The following CACNA2D2 variants were observed in gnomAD, a reference collection of about 807,000 sequenced individuals.
CACNA2D2 encodes the protein voltage-dependent calcium channel subunit alpha-2/delta-2.
CACNA2D2 carries 48 observed loss-of-function variants against 166.4 expected under a neutral mutation model. The observed-to-expected ratio is 0.29, with a 90% CI of 0.23 to 0.37. CACNA2D2 has a LOEUF of 0.37. Ranked by LOEUF, CACNA2D2 falls within the 10% of genes least tolerant of loss-of-function variation. The probability of loss-of-function intolerance (pLI) is 1.00; values close to 1 mark genes in which losing one functional copy is unlikely to be tolerated. For missense variants in CACNA2D2, 1,122 were observed against 1,433.0 expected (o/e 0.78, Z 3.50); for synonymous variants, 561 against 573.7 (o/e 0.98, Z 0.32).
chr3:50,482,465 C>T (rs1287383781), intron 1 of CACNA2D2, among the ~76,000 whole-genome samples: 3 of 152,362 alleles, frequency 2.0e-5, no homozygotes, highest in African/African-American at 7.2e-5. Flanking sequence ...TCCATTTCCA[C>T]ATTTGGAAAA....
Position 50,378,325 on chromosome 3 carries a change from A to G in CACNA2D2, c.1348T>C (p.Phe450Leu). 6.4e-7 allele frequency: 1 copy of G among 1,551,792 alleles called. No homozygotes were observed. The highest frequency in any genetic ancestry group is 2.0e-5 in the Admixed American group (1 of 51,068). Residue 450 changes from phenylalanine (F) to leucine (L), a missense_variant, in exon 14 of 38, where the codon TTT (phenylalanine) becomes CTT (leucine). Transcript: ENST00000424201. ...ATGGCTCCGATGGAAGGGATCTCAA[A>G]ATAGTAGCCTGTGAAGGAAGGAGAG... is the stretch of plus-strand genomic sequence containing the variant. ...WMACANKGYY[F>L]EIPSIGAIRI...
At chr3:50,477,572 C>T (rs528979567) in intron 1 of CACNA2D2, among the ~76,000 whole-genome samples, 2 of 152,334 alleles carry the variant, frequency 1.3e-5, no homozygotes, top group African/African-American at 4.8e-5. Context: ...CACAAAGGTG[C>T]TCTTTGCCCT....
chr3:50,423,705 G>T (rs917897687), intron 3 of CACNA2D2, among the ~76,000 whole-genome samples: 2 of 152,380 alleles, frequency 1.3e-5, no homozygotes, highest in South Asian at 4.1e-4. Context: ...ATTTGTCAAG[G>T]CACAGAGTGG....
At chr3:50,478,227 C>T (rs1284299812) in intron 1 of CACNA2D2, among the ~76,000 whole-genome samples, 4 of 152,234 alleles carry the variant, frequency 2.6e-5, no homozygotes, top group African/African-American at 9.6e-5. Flanking sequence ...CAGCTGCCAG[C>T]CTGGGGAGGG....
At chr3:50,502,694 CAAG>C (rs2107202498) in intron 1 of CACNA2D2, among the ~76,000 whole-genome samples, 1 of 152,356 alleles carries the variant, frequency 6.6e-6, no homozygotes, top group African/African-American at 2.4e-5. Flanking sequence ...CTGGCCACAG[CAAG>C]AAGGTGCTCG....
chr3:50,364,487 C>T lies in CACNA2D2; in HGVS notation c.*179G>A, dbSNP rs1422056843. 7.9e-5 allele frequency: 56 copies of T among 704,878 alleles called. No individual in the cohort carries two copies. The highest frequency in any genetic ancestry group is 8.7e-5 in the Non-Finnish European group (38 of 438,596). The allele number at this position is 704,878 out of a possible 1,614,324, so 43.7% of individuals were successfully genotyped here. ...ATGTGATTTGGGTGCCAAACACCTG[C>T]GGCGTCCCGCTTTGGGACTCCCCAT... is the stretch of plus-strand genomic sequence containing the variant. On this transcript the variant is annotated 3_prime_UTR_variant, in exon 38 of 38. Coordinates refer to ENST00000424201, the MANE Select transcript of CACNA2D2 (RefSeq NM_006030.4).
At chr3:50,502,559 G>A (rs899117316) in intron 1 of CACNA2D2, among the ~76,000 whole-genome samples, 1 of 152,218 alleles carries the variant, frequency 6.6e-6, no homozygotes, top group Non-Finnish European at 1.5e-5. Flanking sequence ...GGCGCAGGCA[G>A]GGGTCCTTCC....
intron 2 of CACNA2D2, among the ~76,000 whole-genome samples, chr3:50,440,843 G>A (rs530891636): frequency 4.4e-4 from 67 of 152,236 alleles, no homozygotes; most frequent in African/African-American, 1.6e-3. Flanking sequence ...GGAGACACTT[G>A]GGAGTGGGGC....
chr3:50,445,262 G>T (rs1204101724), intron 2 of CACNA2D2, among the ~76,000 whole-genome samples: 2 of 152,190 alleles, frequency 1.3e-5, no homozygotes, highest in South Asian at 2.1e-4. Flanking sequence ...GATGGGGCAA[G>T]GGCATGGCCT....
intron 3 of CACNA2D2, among the ~76,000 whole-genome samples, chr3:50,420,673 C>T (rs1342592066): frequency 6.6e-6 from 1 of 152,176 alleles, no homozygotes; most frequent in Non-Finnish European, 1.5e-5. Context: ...GGGAAGTTGT[C>T]TGACAGGTAG....
intron 3 of CACNA2D2, among the ~76,000 whole-genome samples, chr3:50,395,037 T>C (rs566031821): frequency 6.6e-6 from 1 of 152,260 alleles, no homozygotes; most frequent in East Asian, 1.9e-4. Flanking sequence ...TATTTGGTAC[T>C]TTCTAAGGAT....
intron 4 of CACNA2D2, among the ~76,000 whole-genome samples, chr3:50,390,293 C>T (rs1015954976): frequency 6.6e-6 from 1 of 152,114 alleles, no homozygotes; most frequent in South Asian, 2.1e-4. Flanking sequence ...GGGTCACCCG[C>T]GAGGAGGCAA....
At chr3:50,489,261 C>G (rs1262654495) in intron 1 of CACNA2D2, among the ~76,000 whole-genome samples, 3 of 152,200 alleles carry the variant, frequency 2.0e-5, no homozygotes, top group Admixed American at 2.0e-4. Flanking sequence ...GCCCACAGCT[C>G]CAGGGCCTTC....
intron 3 of CACNA2D2, among the ~76,000 whole-genome samples, chr3:50,403,241 T>C (rs1234142837): frequency 6.6e-6 from 1 of 152,072 alleles, no homozygotes; most frequent in Non-Finnish European, 1.5e-5. Flanking sequence ...GCGAACGGGA[T>C]GGGGACTCAC....
At chr3:50,463,659 G>A (rs1423187210) in intron 2 of CACNA2D2, among the ~76,000 whole-genome samples, 3 of 152,250 alleles carry the variant, frequency 2.0e-5, no homozygotes, top group Non-Finnish European at 4.4e-5. Flanking sequence ...ATGGGGCTGA[G>A]TGGGCTGCAA....
At position 50,485,408 on chromosome 3, in the gene CACNA2D2, T is replaced by C. The variant is rs1287255771; in HGVS notation, c.207-9209A>G. On this transcript the variant is annotated intron_variant, in intron 1 of 37. Transcript: ENST00000424201. ...TCCAGCAGCAAGATCATTCACCTTT[T>C]ATTTTTCCAACAAAATCCAATGTGG... Among the ~76,000 whole-genome samples, 3 of 152,274 alleles carry C rather than the reference T, an allele frequency of 2.0e-5. No individual in the cohort carries two copies. The South Asian group carries it at 6.2e-4, about 31-fold the overall frequency.
intron 3 of CACNA2D2, among the ~76,000 whole-genome samples, chr3:50,399,572 C>T (rs1307926367): frequency 6.6e-6 from 1 of 152,110 alleles, no homozygotes; most frequent in Non-Finnish European, 1.5e-5. Flanking sequence ...TGGTCCAGTG[C>T]CTACCCTGGG....
rs914853499 is a variant in CACNA2D2 at position 50,368,178 on chromosome 3, A to G, written c.2103T>C (p.Phe701=). The part of the protein sequence containing the change: ...SDNNTEFLKN[F]IELMEKVTPD... ...GAGTCACTTTCTCCATGAGCTCAAT[A>G]AAGTTTTTCAGGAACTCGGTGTTGT... is the stretch of plus-strand genomic sequence containing the variant. The change falls in exon 24 of 38, where the codon TTT becomes TTC. Residue 701 remains phenylalanine, a synonymous_variant. Transcript: ENST00000424201. 9.3e-6 allele frequency: 15 copies of G among 1,613,782 alleles called. No individual in the cohort carries two copies. Among genetic ancestry groups the G allele is most frequent in the Admixed American group, 1.7e-5 (1 of 60,006 alleles).
chr3:50,392,456 G>A (rs938705976), intron 4 of CACNA2D2, among the ~76,000 whole-genome samples: 6 of 152,168 alleles, frequency 3.9e-5, no homozygotes, highest in Admixed American at 2.6e-4. Context: ...GCAGGCACCC[G>A]GTGGGATGTG....
Sources: gnomAD v4.1 joint callset for allele counts (sites outside exome capture counted in the v4.1 genomes callset) on GRCh38, gnomAD v4.1.1 for gene constraint, MANE v1.5 for transcripts, NCBI Gene and HGNC (gene_info 2026-07-23, HGNC 2026-07-21) for gene names.